The following RMND5A variants were observed in gnomAD, a reference collection of about 807,000 sequenced individuals.
RMND5A encodes the protein required for meiotic nuclear division 5 homolog A.
In RMND5A, 17 loss-of-function variants were observed where a neutral mutation model predicts 49.7. The observed-to-expected ratio is 0.34, with a 90% CI of 0.23 to 0.51. RMND5A has a LOEUF of 0.51. Among genes scored for constraint, RMND5A ranks in the 20% least tolerant of loss-of-function variants. The probability of loss-of-function intolerance (pLI) is 0.96; values close to 1 mark genes in which losing one functional copy is unlikely to be tolerated. For missense variants in RMND5A, 255 were observed against 471.3 expected (o/e 0.54, Z 4.25); for synonymous variants, 156 against 167.7 (o/e 0.93, Z 0.54).
chr2:86,766,364 C>T (rs1672591173), intron 6 of RMND5A, among the ~76,000 whole-genome samples: 1 of 152,144 alleles, frequency 6.6e-6, no homozygotes, highest in African/African-American at 2.4e-5. Context: ...CTCACCACCA[C>T]ACACTTGCAG....
intron 4 of RMND5A, among the ~76,000 whole-genome samples, chr2:86,755,751 T>C (rs1269283013): frequency 6.6e-6 from 1 of 152,202 alleles, no homozygotes; most frequent in Non-Finnish European, 1.5e-5. Context: ...GTCTATTATT[T>C]GTTGCCTTAA....
chr2:86,770,386 A>G (rs1011251505), intron 7 of RMND5A, among the ~76,000 whole-genome samples: 2 of 152,224 alleles, frequency 1.3e-5, no homozygotes, highest in Admixed American at 6.5e-5. Flanking sequence ...AGGGCTGTAC[A>G]TACAGTAGCA....
chr2:86,762,632 G>A (rs1672513124), intron 4 of RMND5A, among the ~76,000 whole-genome samples: 1 of 134,292 alleles, frequency 7.4e-6, no homozygotes, highest in South Asian at 2.3e-4. Context: ...GCAACAGAGT[G>A]AAACTCTGTC....
In RMND5A at chr2:86,776,450, A is replaced by G. The variant is rs1427028773; in HGVS notation, c.*3039A>G. 1.3e-5 allele frequency: 2 copies of G among 152,228 alleles called. No homozygotes were observed. Among genetic ancestry groups the G allele is most frequent in the Non-Finnish European group, 2.9e-5 (2 of 68,038 alleles). 9.4% of individuals were successfully genotyped at this position (152,228 alleles called of 1,614,324 possible). On this transcript the variant is annotated 3_prime_UTR_variant, in exon 9 of 9. Coordinates refer to ENST00000283632, the MANE Select transcript of RMND5A (RefSeq NM_022780.4). ...TCTGTAGCAGCTAATGCATAGAGAC[A>G]CTAAAACCCACACCACATTTTGTGG...
At chr2:86,769,175 A>G (rs1483057826) in intron 6 of RMND5A, among the ~76,000 whole-genome samples, 1 of 152,040 alleles carries the variant, frequency 6.6e-6, no homozygotes, top group Non-Finnish European at 1.5e-5. Context: ...CAAACTCTCA[A>G]ACTTAGGTAA....
chr2:86,753,787 T>C (rs1681680239), intron 4 of RMND5A, among the ~76,000 whole-genome samples: 1 of 152,346 alleles, frequency 6.6e-6, no homozygotes, highest in Admixed American at 6.5e-5. Context: ...TGAATTCCCA[T>C]GAGAGAAAAG....
chr2:86,772,293 C>G (rs1672696248), intron 8 of RMND5A, among the ~76,000 whole-genome samples: 1 of 151,828 alleles, frequency 6.6e-6, no homozygotes, highest in Non-Finnish European at 1.5e-5. Context: ...ACTAAAAATA[C>G]AAAAACAAAA....
chr2:86,772,115 G>T (rs1672693958), intron 8 of RMND5A, among the ~76,000 whole-genome samples: 1 of 152,120 alleles, frequency 6.6e-6, no homozygotes, highest in African/African-American at 2.4e-5. Context: ...ATATGATTGG[G>T]TAGCCAGTTC....
intron 4 of RMND5A, among the ~76,000 whole-genome samples, chr2:86,758,113 G>A (rs1167113489): frequency 6.6e-6 from 1 of 152,122 alleles, no homozygotes; most frequent in East Asian, 1.9e-4. Context: ...TTTTGAGTCA[G>A]CATTAAGTAT....
At chr2:86,749,208 A>G (rs932221811) in intron 2 of RMND5A, among the ~76,000 whole-genome samples, 2 of 152,188 alleles carry the variant, frequency 1.3e-5, no homozygotes, top group African/African-American at 4.8e-5. Context: ...AGATAAAATA[A>G]TTTACTTAAA....
chr2:86,721,335 T>C (rs1311844623), intron 1 of RMND5A, among the ~76,000 whole-genome samples: 2 of 151,948 alleles, frequency 1.3e-5, no homozygotes, highest in African/African-American at 2.4e-5. Context: ...AGCGTTATTC[T>C]TAGCTGTGGG....
chr2:86,743,683 A>T (rs1681488233), intron 2 of RMND5A, among the ~76,000 whole-genome samples: 1 of 152,086 alleles, frequency 6.6e-6, no homozygotes, highest in South Asian at 2.1e-4. Context: ...CATTCGTCAT[A>T]TGAAACTATA....
At chr2:86,742,961 A>G (rs1014499287) in intron 2 of RMND5A, among the ~76,000 whole-genome samples, 3 of 152,114 alleles carry the variant, frequency 2.0e-5, no homozygotes, top group African/African-American at 4.8e-5. Context: ...GCAGTTGGGC[A>G]AATAATTCAC....
chr2:86,753,334 C>T (rs1208973614), intron 3 of RMND5A, 124 bp from the exon 4 acceptor site: 4 of 578,488 alleles, frequency 6.9e-6, no homozygotes, highest in African/African-American at 3.8e-5. Flanking sequence ...AGTCATCAGT[C>T]TCTACTATAG....
chr2:86,777,230 A>G lies in RMND5A; in HGVS notation c.*3819A>G, dbSNP rs1315361447. The G allele has an allele frequency of 6.6e-6, 1 of 152,222 alleles. No individual in the cohort carries two copies. Among genetic ancestry groups the G allele is most frequent in the Non-Finnish European group, 1.5e-5 (1 of 68,042 alleles). The allele number at this position is 152,222 out of a possible 1,614,324, so 9.4% of individuals were successfully genotyped here. The stretch of plus-strand genomic sequence containing the variant: ...AAAGCAGCTGGAATTGGCTTACAGC[A>G]CATGCTTTGTTTCATGTTATGGGTG... On this transcript the variant is annotated 3_prime_UTR_variant, in exon 9 of 9. Coordinates refer to ENST00000283632, the MANE Select transcript of RMND5A (RefSeq NM_022780.4).
Position 86,773,595 on chromosome 2 carries a change from A to G in RMND5A, c.*184A>G. On this transcript the variant is annotated 3_prime_UTR_variant, in exon 9 of 9. Coordinates refer to ENST00000283632, the MANE Select transcript of RMND5A (RefSeq NM_022780.4). Reference sequence around the variant, plus strand: ...GAGTGCTCCCGGTGAATATTATCATAGGGCTTTATTATATTCTTGGTCTTC... The same window carrying G: ...GAGTGCTCCCGGTGAATATTATCATGGGGCTTTATTATATTCTTGGTCTTC... 2.3e-6 allele frequency: 1 copy of G among 444,142 alleles called. No homozygotes were observed. The highest frequency in any genetic ancestry group is 4.1e-6 in the Non-Finnish European group (1 of 244,560). 27.5% of individuals were successfully genotyped at this position (444,142 alleles called of 1,614,324 possible).
rs1403593291 is a variant in RMND5A, at chr2:86,737,575, A to T, written c.143-3352A>T. Among the ~76,000 whole-genome samples, 3 of 20,552 alleles carry T rather than the reference A, an allele frequency of 1.5e-4. 1 individual carries two copies. The highest frequency in any genetic ancestry group is 3.3e-4 in the Non-Finnish European group (3 of 9,218). The allele number at this position is 20,552 out of a possible 152,430, so 13.5% of individuals were successfully genotyped here. On this transcript the variant is annotated intron_variant, in intron 1 of 8. Transcript: ENST00000283632. ...CATATAGTCCCATGCATTAAGTATCATATATATATATATATATATGTCAGT... is the reference window on the plus strand; with the variant it reads ...CATATAGTCCCATGCATTAAGTATCTTATATATATATATATATATGTCAGT...
chr2:86,760,991 T>TGTGTGTGTGC (rs1281524289), intron 4 of RMND5A, among the ~76,000 whole-genome samples: 1 of 151,870 alleles, frequency 6.6e-6, no homozygotes, highest in African/African-American at 2.4e-5. Flanking sequence ...TGTGTGTGTG[T>TGTGTGTGTGC]GTGTGTGTGT....
chr2:86,751,872 T>A, intron 2 of RMND5A, 24 bp from the exon 3 acceptor site: 1 of 1,606,132 alleles, frequency 6.2e-7, no homozygotes, highest in East Asian at 2.2e-5. Context: ...TATTTATGAT[T>A]CCCTTTCTCT....
Sources: allele counts gnomAD v4.1 joint callset (sites outside exome capture counted in the v4.1 genomes callset), GRCh38; gene constraint gnomAD v4.1.1; transcripts MANE v1.5; gene names NCBI Gene and HGNC (gene_info 2026-07-23, HGNC 2026-07-21).